The following MBNL2 variants were observed in gnomAD, a reference collection of about 807,000 sequenced individuals.
The protein encoded by MBNL2 is muscleblind-like protein 2.
MBNL2 carries 17 observed loss-of-function variants against 41.9 expected under a neutral mutation model. The ratio of observed to expected loss-of-function variants is 0.41; its 90% confidence interval spans 0.28 to 0.61. The LOEUF is 0.61. Ranked by LOEUF, MBNL2 falls within the 20% of genes least tolerant of loss-of-function variation. MBNL2 has a pLI of 0.35. For missense variants in MBNL2, 336 were observed against 505.6 expected (o/e 0.66, Z 3.22); for synonymous variants, 195 against 182.9 (o/e 1.07, Z -0.53).
At chr13:97,322,538 C>A (rs1362829978) in intron 2 of MBNL2, among the ~76,000 whole-genome samples, 2 of 152,170 alleles carry the variant, frequency 1.3e-5, no homozygotes, top group African/African-American at 4.8e-5. Context: ...TTTCCATTAA[C>A]CATGGGTTTA....
Position 97,366,774 on chromosome 13 carries a change from T to G in MBNL2, c.1048+1603T>G. 1 of 612,092 alleles carries G rather than the reference T, an allele frequency of 1.6e-6. No individual in the cohort carries two copies. The highest frequency in any genetic ancestry group is 2.9e-6 in the Non-Finnish European group (1 of 344,030). 37.9% of individuals were successfully genotyped at this position (612,092 alleles called of 1,614,324 possible). A position where few individuals can be genotyped will look rare whatever the true frequency, so the allele number is the denominator to read the frequency against. ...GCTATGTTTTGTGTTGCACTGTTTGTTTTCGTACCTAATATTGTGTAATTA... is the reference window on the plus strand; with the variant it reads ...GCTATGTTTTGTGTTGCACTGTTTGGTTTCGTACCTAATATTGTGTAATTA... On this transcript the variant is annotated intron_variant, in intron 8 of 8. Coordinates refer to ENST00000679496, the MANE Select transcript of MBNL2 (RefSeq NM_001382683.1). The surrounding 1 kb of genome is among the most constrained non-coding windows in gnomAD (Gnocchi z 4.7).
the MBNL2 span, among the ~76,000 whole-genome samples, chr13:97,153,528 G>T: frequency 1.3e-5 from 2 of 152,064 alleles, no homozygotes; most frequent in Non-Finnish European, 2.9e-5. Context: ...AATGAACCTC[G>T]TAGAACAATT....
chr13:97,192,966 A>G, the MBNL2 span, among the ~76,000 whole-genome samples: 174 of 152,334 alleles, frequency 1.1e-3, no homozygotes, highest in Non-Finnish European at 1.9e-3. Context: ...CAATTCAATC[A>G]AGAGAGACCC....
chr13:97,292,342 C>G (rs1676157100), intron 2 of MBNL2, among the ~76,000 whole-genome samples: 1 of 152,156 alleles, frequency 6.6e-6, no homozygotes, highest in African/African-American at 2.4e-5. Flanking sequence ...CATAGTCACT[C>G]AGGAGCTGGG....
At chr13:97,322,484 T>C (rs1165204573) in intron 2 of MBNL2, among the ~76,000 whole-genome samples, 4 of 152,216 alleles carry the variant, frequency 2.6e-5, no homozygotes, top group Non-Finnish European at 1.5e-5. Flanking sequence ...CCATTGTAAA[T>C]TGAATATGTC....
rs528215462 is a variant in MBNL2, at chr13:97,259,837, C to T, written c.-604-15795C>T. 3.2e-4 allele frequency among the ~76,000 whole-genome samples: 48 copies of T among 152,238 alleles called. 2 individuals carry two copies. In the South Asian group the frequency reaches 8.7e-3, roughly 28 times the overall value. ...ATCCCATCGAGAAGATGGAACAGAG[C>T]AAACCATGAAGGCGGGCACAGACTG... On this transcript the variant is annotated intron_variant, in intron 1 of 8. Coordinates refer to ENST00000679496, the MANE Select transcript of MBNL2 (RefSeq NM_001382683.1).
intron 2 of MBNL2, among the ~76,000 whole-genome samples, chr13:97,287,632 A>G (rs1481529883): frequency 2.6e-5 from 4 of 152,034 alleles, no homozygotes; most frequent in Non-Finnish European, 4.4e-5. Context: ...ATTTTCTACA[A>G]AACGTTGTTT....
the MBNL2 span, among the ~76,000 whole-genome samples, chr13:97,150,364 C>G: frequency 6.6e-6 from 1 of 152,176 alleles, no homozygotes; most frequent in Admixed American, 6.5e-5. Context: ...TTCTCAATTG[C>G]CAAGTACATT....
intron 2 of MBNL2, among the ~76,000 whole-genome samples, chr13:97,288,966 A>C (rs148526800): frequency 1.3e-5 from 2 of 152,350 alleles, no homozygotes; most frequent in African/African-American, 4.8e-5. Context: ...CACAATATTA[A>C]GCTCTGTAGA....
upstream of MBNL2, among the ~76,000 whole-genome samples, chr13:97,220,344 A>T (rs1029931041): frequency 2.6e-5 from 4 of 152,220 alleles, no homozygotes; most frequent in African/African-American, 9.7e-5. Flanking sequence ...TGGTACAATA[A>T]ACAATACAGA....
At chr13:97,297,170 T>G (rs1594174570) in intron 2 of MBNL2, among the ~76,000 whole-genome samples, 1 of 152,306 alleles carries the variant, frequency 6.6e-6, no homozygotes, top group East Asian at 1.9e-4. Flanking sequence ...GCTTTCTTCC[T>G]CCATCTCTGC....
chr13:97,293,560 G>A (rs536383991), intron 2 of MBNL2, among the ~76,000 whole-genome samples: 43 of 152,178 alleles, frequency 2.8e-4, no homozygotes, highest in Non-Finnish European at 5.0e-4. Flanking sequence ...TAATTCAAGT[G>A]CTTTGTGCCT....
chr13:97,345,012 C>G (rs899868518), intron 4 of MBNL2, among the ~76,000 whole-genome samples: 1 of 151,580 alleles, frequency 6.6e-6, no homozygotes, highest in Non-Finnish European at 1.5e-5. Flanking sequence ...GCTCAGAATC[C>G]GTGGGAACAT....
chr13:97,236,579 T>C (rs1375233365), intron 1 of MBNL2, among the ~76,000 whole-genome samples: 1 of 152,080 alleles, frequency 6.6e-6, no homozygotes, highest in East Asian at 1.9e-4. Flanking sequence ...CTTTGTATTA[T>C]AAGATAAAGT....
chr13:97,363,340 A>AG (rs920845448), intron 7 of MBNL2, among the ~76,000 whole-genome samples: 1 of 151,976 alleles, frequency 6.6e-6, no homozygotes, highest in Non-Finnish European at 1.5e-5. Context: ...CTGAGTCCTG[A>AG]GGAACTCCAG....
intron 5 of MBNL2, among the ~76,000 whole-genome samples, chr13:97,350,115 G>A (rs978448169): frequency 7.2e-5 from 11 of 152,150 alleles, no homozygotes; most frequent in Non-Finnish European, 1.6e-4. Context: ...GCAATGAAGC[G>A]AGTATCACAA....
chr13:97,348,074 A>AT (rs71692187), intron 5 of MBNL2, among the ~76,000 whole-genome samples: 1,780 of 120,296 alleles, frequency 0.015, 25 homozygotes, highest in South Asian at 0.019. Flanking sequence ...GGGCAGTGGG[A>AT]TTTTTTTTTT....
chr13:97,160,070 A>C, the MBNL2 span, among the ~76,000 whole-genome samples: 1 of 152,136 alleles, frequency 6.6e-6, no homozygotes, highest in South Asian at 2.1e-4. Flanking sequence ...ACATAGTCCC[A>C]TATTTCTTGG....
At chr13:97,298,650 C>T (rs2057312069) in intron 2 of MBNL2, among the ~76,000 whole-genome samples, 2 of 152,158 alleles carry the variant, frequency 1.3e-5, no homozygotes, top group African/African-American at 4.8e-5. Context: ...TATCTCAGAC[C>T]TGTTTATATT....
Sources: allele counts gnomAD v4.1 joint callset (sites outside exome capture counted in the v4.1 genomes callset), GRCh38; gene constraint gnomAD v4.1.1; non-coding constraint Gnocchi (gnomAD v3.1); transcripts MANE v1.5; gene names NCBI Gene and HGNC (gene_info 2026-07-23, HGNC 2026-07-21).